The following ATAD1 variants were observed in gnomAD, a reference collection of about 807,000 sequenced individuals.
The protein encoded by ATAD1 is outer mitochondrial transmembrane helix translocase.
A neutral mutation model predicts 42.7 loss-of-function variants in ATAD1; 18 were observed. The ratio of observed to expected loss-of-function variants is 0.42; its 90% CI spans 0.29 to 0.63. The LOEUF (loss-of-function observed/expected upper bound fraction) is 0.63. Among genes scored for constraint, ATAD1 ranks in the 20% least tolerant of loss-of-function variants. The pLI is 0.19. For missense variants in ATAD1, 294 were observed against 440.4 expected (o/e 0.67, Z 2.98); for synonymous variants, 132 against 143.1 (o/e 0.92, Z 0.55).
intron 1 of ATAD1, among the ~76,000 whole-genome samples, chr10:87,838,736 TTCTCTCTCTC>T (rs112302394): frequency 1.5e-5 from 2 of 131,798 alleles, no homozygotes; most frequent in South Asian, 2.3e-4. Context: ...CTCATTCATA[TTCTCTCTCTC>T]TCTCTCTCTC....
intron 8 of ATAD1, among the ~76,000 whole-genome samples, chr10:87,763,195 A>G (rs561824146): frequency 2.6e-5 from 4 of 151,962 alleles, no homozygotes; most frequent in African/African-American, 7.2e-5. Context: ...CTGAAACTGT[A>G]CATATTTCAT....
At chr10:87,816,266 G>A (rs1857410479) in intron 1 of ATAD1, among the ~76,000 whole-genome samples, 1 of 152,050 alleles carries the variant, frequency 6.6e-6, no homozygotes, top group South Asian at 2.1e-4. Flanking sequence ...TGTAACTGAA[G>A]GAAATCTCCC....
chr10:87,759,934 A>G lies in ATAD1; in HGVS notation c.832-3012T>C, dbSNP rs914200959. 7 of 220,050 alleles carry G rather than the reference A, an allele frequency of 3.2e-5. No homozygotes were observed. The Admixed American group carries it at 3.7e-4, about 12-fold the overall frequency. 13.6% of individuals were successfully genotyped at this position (220,050 alleles called of 1,614,324 possible). On this transcript the variant is annotated intron_variant, in intron 8 of 9. Transcript: ENST00000680024. ...TAATAGCTTTTAGATAAACCATGAA[A>G]TAATGAGAACTCTTTTCATTAGGCA...
chr10:87,791,804 CATCCTCAAAATA>C (rs141444022), intron 3 of ATAD1, among the ~76,000 whole-genome samples: 2,851 of 152,290 alleles, frequency 0.019, 81 homozygotes, highest in African/African-American at 0.064. Flanking sequence ...ACATCAATCT[CATCCTCAAAATA>C]ATCCTTATGA....
At chr10:87,804,579 A>C (rs1856839593) in intron 2 of ATAD1, among the ~76,000 whole-genome samples, 1 of 152,174 alleles carries the variant, frequency 6.6e-6, no homozygotes, top group African/African-American at 2.4e-5. Context: ...CATGTTGACC[A>C]GGCTGGTCTT....
At chr10:87,815,822 G>C (rs965765429) in intron 1 of ATAD1, among the ~76,000 whole-genome samples, 8 of 151,938 alleles carry the variant, frequency 5.3e-5, no homozygotes, top group Admixed American at 5.2e-4. Context: ...TTCTAATCTA[G>C]AATCTAGCTC....
rs578062776 is a variant in ATAD1 at position 87,798,024 on chromosome 10, G to A, written c.163-5269C>T. ...AGTGTACAGGGGGTTAACCTCCCTC[G>A]ACGTGCAGTGGCCTTACAAGAAAAT... On this transcript the variant is annotated intron_variant, in intron 2 of 9. Transcript: ENST00000680024. Among the ~76,000 whole-genome samples, 14 of 152,186 alleles carry A rather than the reference G, an allele frequency of 9.2e-5. No individual in the cohort carries two copies. The East Asian group carries it at 9.7e-4, about 11-fold the overall frequency.
At position 87,830,757 on chromosome 10, in the gene ATAD1, G is replaced by A. The variant is rs150627280; in HGVS notation, c.-14+10430C>T. On this transcript the variant is annotated intron_variant, in intron 1 of 4. Coordinates refer to the ATAD1 transcript ENST00000495903. ...CCATTGTCTATTAACATAGTAAATA[G>A]TGTGTTGGCTTGTAACACTTCCCTC... 1.3e-3 allele frequency among the ~76,000 whole-genome samples: 194 copies of A among 152,228 alleles called. 5 individuals carry two copies. The East Asian group carries it at 0.033, about 26-fold the overall frequency.
At chr10:87,820,962 A>G (rs1414642530), upstream of ATAD1, among the ~76,000 whole-genome samples, 1 of 152,198 alleles carries the variant, frequency 6.6e-6, no homozygotes, top group Non-Finnish European at 1.5e-5. Context: ...TATATATAAT[A>G]TTAATCAGGA....
At chr10:87,826,821 A>G (rs1857738487) in intron 1 of ATAD1, among the ~76,000 whole-genome samples, 1 of 152,206 alleles carries the variant, frequency 6.6e-6, no homozygotes, top group African/African-American at 2.4e-5. Context: ...AAATACAGTG[A>G]TCATATTTTG....
chr10:87,792,536 G>A (rs981058529), intron 3 of ATAD1, 121 bp downstream of exon 3: 11 of 688,056 alleles, frequency 1.6e-5, no homozygotes, highest in Non-Finnish European at 2.7e-5. Context: ...TATATGCCGA[G>A]TCTTATGATT....
At chr10:87,779,913 C>T (rs1201181163) in intron 5 of ATAD1, among the ~76,000 whole-genome samples, 3 of 152,154 alleles carry the variant, frequency 2.0e-5, no homozygotes, top group Admixed American at 6.6e-5. Flanking sequence ...AGACAGTTTG[C>T]TAGTGTCTTA....
At chr10:87,762,918 A>AATAT (rs1554873723) in intron 8 of ATAD1, among the ~76,000 whole-genome samples, 5 of 134,712 alleles carry the variant, frequency 3.7e-5, no homozygotes, top group South Asian at 5.2e-4. Context: ...AAAAAAAAAA[A>AATAT]ATATATATAT....
chr10:87,795,588 C>T (rs1856347018), intron 2 of ATAD1, among the ~76,000 whole-genome samples: 1 of 151,700 alleles, frequency 6.6e-6, no homozygotes, highest in Non-Finnish European at 1.5e-5. Flanking sequence ...ACTGTATACC[C>T]ATATTTTTTT....
At chr10:87,783,399 G>T (rs1855664811) in intron 5 of ATAD1, among the ~76,000 whole-genome samples, 1 of 151,288 alleles carries the variant, frequency 6.6e-6, no homozygotes, top group South Asian at 2.1e-4. Context: ...AAATAAACTA[G>T]CTATATATTC....
intron 1 of ATAD1, among the ~76,000 whole-genome samples, chr10:87,827,411 T>C (rs780004985): frequency 4.6e-5 from 7 of 152,224 alleles, no homozygotes; most frequent in African/African-American, 1.4e-4. Flanking sequence ...TTTGCAGATA[T>C]TATGATTTTT....
At chr10:87,755,480 C>A (rs1207319378) in intron 9 of ATAD1, among the ~76,000 whole-genome samples, 1 of 152,064 alleles carries the variant, frequency 6.6e-6, no homozygotes, top group African/African-American at 2.4e-5. Flanking sequence ...ATAAAACTAG[C>A]CAGACTTTTC....
intron 2 of ATAD1, among the ~76,000 whole-genome samples, chr10:87,800,561 T>C (rs1856642763): frequency 6.6e-6 from 1 of 152,278 alleles, no homozygotes; most frequent in East Asian, 1.9e-4. Context: ...GAAACAATTC[T>C]ATGCTATTAT....
intron 2 of ATAD1, among the ~76,000 whole-genome samples, chr10:87,804,154 T>C (rs2132015670): frequency 6.6e-6 from 1 of 152,328 alleles, no homozygotes; most frequent in East Asian, 1.9e-4. Context: ...AAAGTTTTTT[T>C]CAGTACACTC....
Sources: allele counts gnomAD v4.1 joint callset (sites outside exome capture counted in the v4.1 genomes callset), GRCh38; gene constraint gnomAD v4.1.1; transcripts MANE v1.5; gene names NCBI Gene and HGNC (gene_info 2026-07-23, HGNC 2026-07-21).